The following RANBP2 variants were observed in gnomAD, a reference collection of about 807,000 sequenced individuals.
The protein encoded by RANBP2 is RAN binding protein 2, also known as E3 SUMO-protein ligase RanBP2.
In RANBP2, 57 loss-of-function variants were observed where a neutral mutation model predicts 303.6. The observed-to-expected ratio is 0.19, with a 90% CI of 0.15 to 0.23. RANBP2 has a LOEUF of 0.23. Among genes scored for constraint, RANBP2 ranks in the 10% least tolerant of loss-of-function variants. The pLI is 1.00. For missense variants in RANBP2, 3,138 were observed against 3,780.8 expected (o/e 0.83, Z 4.46); for synonymous variants, 1,167 against 1,301.5 (o/e 0.90, Z 2.23).
At chr2:108,856,754 C>T in the RANBP2 span, 17 of 1,584,276 alleles carry the variant, frequency 1.1e-5, no homozygotes, top group Non-Finnish European at 1.5e-5. Context: ...GACACCTAGA[C>T]TAGCAAAACT....
At chr2:109,214,104 C>T in the RANBP2 span, among the ~76,000 whole-genome samples, 3 of 152,118 alleles carry the variant, frequency 2.0e-5, no homozygotes, top group South Asian at 6.2e-4. Context: ...GTGTTTCTGC[C>T]AATTGTCTTG....
chr2:108,913,666 G>A, the RANBP2 span, among the ~76,000 whole-genome samples: 68 of 152,120 alleles, frequency 4.5e-4, no homozygotes, highest in Non-Finnish European at 4.4e-4. Context: ...AAGTGTATGC[G>A]ATAGCTATCT....
At chr2:109,382,957 C>G in the RANBP2 span, among the ~76,000 whole-genome samples, 1 of 152,242 alleles carries the variant, frequency 6.6e-6, no homozygotes, top group Non-Finnish European at 1.5e-5. Flanking sequence ...CACTTCTTTC[C>G]TGAGTGTTCC....
At chr2:109,305,762 C>G in the RANBP2 span, among the ~76,000 whole-genome samples, 7 of 152,228 alleles carry the variant, frequency 4.6e-5, no homozygotes, top group East Asian at 1.9e-4. Flanking sequence ...CTCTGCGGTT[C>G]CCTGAGACAG....
the RANBP2 span, among the ~76,000 whole-genome samples, chr2:109,558,068 AGGC>A: frequency 4.6e-5 from 7 of 152,192 alleles, no homozygotes; most frequent in African/African-American, 1.7e-4. Context: ...TTGGGATTAC[AGGC>A]GTGAACGACT....
chr2:109,429,132 C>G, the RANBP2 span, among the ~76,000 whole-genome samples: 1 of 152,114 alleles, frequency 6.6e-6, no homozygotes, highest in East Asian at 1.9e-4. Context: ...TGGGAAGGGC[C>G]GGTCTCGGCA....
At chr2:109,127,226 A>C in the RANBP2 span, 3 of 152,262 alleles carry the variant, frequency 2.0e-5, no homozygotes, top group East Asian at 5.8e-4. Context: ...ATATAAGCAC[A>C]GGATATGTGT....
At chr2:108,872,313 G>A in the RANBP2 span, among the ~76,000 whole-genome samples, 1 of 152,004 alleles carries the variant, frequency 6.6e-6, no homozygotes, top group Admixed American at 6.5e-5. Flanking sequence ...TTCCATCCCA[G>A]TACCCCAAAA....
chr2:109,344,959 A>G, the RANBP2 span, among the ~76,000 whole-genome samples: 2 of 152,156 alleles, frequency 1.3e-5, no homozygotes, highest in Non-Finnish European at 2.9e-5. Flanking sequence ...GCACAGAGGC[A>G]GGTTTAGCTG....
At chr2:109,574,501 T>TGG in the RANBP2 span, 1 of 755,400 alleles carries the variant, frequency 1.3e-6, no homozygotes, top group Non-Finnish European at 1.9e-6. Context: ...AGTTACAATA[T>TGG]ATATCCATAT....
At chr2:109,624,514 T>G in the RANBP2 span, among the ~76,000 whole-genome samples, 8 of 152,300 alleles carry the variant, frequency 5.3e-5, no homozygotes, top group African/African-American at 1.7e-4. Flanking sequence ...GCTTGAGGTC[T>G]GCTTCTCTTT....
At chr2:109,306,040 G>C in the RANBP2 span, among the ~76,000 whole-genome samples, 1 of 152,210 alleles carries the variant, frequency 6.6e-6, no homozygotes, top group South Asian at 2.1e-4. Flanking sequence ...GCTGCCTTCT[G>C]CTGGGCTCTT....
chr2:109,089,786 C>G, the RANBP2 span, among the ~76,000 whole-genome samples: 1 of 152,038 alleles, frequency 6.6e-6, no homozygotes, highest in African/African-American at 2.4e-5. Context: ...GAGGAAGGAA[C>G]TCAGATAAAA....
chr2:109,499,647 G>A, the RANBP2 span, among the ~76,000 whole-genome samples: 4 of 152,184 alleles, frequency 2.6e-5, no homozygotes, highest in Non-Finnish European at 5.9e-5. Context: ...CAACTGGTTC[G>A]TCCTTGGCAG....
chr2:109,179,881 C>T, the RANBP2 span, among the ~76,000 whole-genome samples: 35 of 152,246 alleles, frequency 2.3e-4, no homozygotes, highest in Middle Eastern at 3.4e-3. Context: ...TGCTCCTTAT[C>T]GCAGGAAAAT....
At chr2:109,146,483 C>A in the RANBP2 span, among the ~76,000 whole-genome samples, 1 of 148,976 alleles carries the variant, frequency 6.7e-6, no homozygotes, top group Non-Finnish European at 1.5e-5. Flanking sequence ...GCTCATGGGT[C>A]CTGTGAATGT....
the RANBP2 span, among the ~76,000 whole-genome samples, chr2:109,373,295 T>A: frequency 1.3e-5 from 2 of 152,366 alleles, no homozygotes; most frequent in Admixed American, 1.3e-4. Flanking sequence ...TCTCGGACAT[T>A]TTTAGCTGGC....
chr2:109,679,833 C>T, the RANBP2 span, among the ~76,000 whole-genome samples: 1 of 152,106 alleles, frequency 6.6e-6, no homozygotes, highest in Non-Finnish European at 1.5e-5. Flanking sequence ...GCTCACAATT[C>T]AAGTTTGAGA....
At chr2:109,295,025 G>C in the RANBP2 span, among the ~76,000 whole-genome samples, 2 of 152,354 alleles carry the variant, frequency 1.3e-5, no homozygotes, top group East Asian at 3.9e-4. Flanking sequence ...ATTAGCCATC[G>C]CTATGAATTC....
Sources: allele counts gnomAD v4.1 joint callset (sites outside exome capture counted in the v4.1 genomes callset), GRCh38; gene constraint gnomAD v4.1.1; transcripts MANE v1.5; gene names NCBI Gene and HGNC (gene_info 2026-07-23, HGNC 2026-07-21).